Variants in ADAM2 observed in about 807,000 individuals in gnomAD.
The protein encoded by ADAM2 is ADAM metallopeptidase domain 2, also known as disintegrin and metalloproteinase domain-containing protein 2.
ADAM2 carries 101 observed loss-of-function variants against 99.3 expected under a neutral mutation model. The ratio of observed to expected loss-of-function variants is 1.02; its 90% confidence interval spans 0.87 to 1.20. The LOEUF is 1.20. Among genes scored for constraint, ADAM2 ranks in the 50% most tolerant of loss-of-function variants. ADAM2 has a pLI of 0.00. For missense variants in ADAM2, 948 were observed against 878.7 expected (o/e 1.08, Z -1.00); for synonymous variants, 323 against 287.6 (o/e 1.12, Z -1.25).
intron 3 of ADAM2, among the ~76,000 whole-genome samples, chr8:39,830,590 T>C (rs1025320845): frequency 6.6e-6 from 1 of 152,076 alleles, no homozygotes; most frequent in Non-Finnish European, 1.5e-5. Flanking sequence ...GGTGAAGCTG[T>C]GGAAAGTAAG....
chr8:39,822,929 C>T (rs947276618), intron 4 of ADAM2, among the ~76,000 whole-genome samples: 1 of 152,030 alleles, frequency 6.6e-6, no homozygotes, highest in African/African-American at 2.4e-5. Context: ...CTGCCATGCC[C>T]AGCTAATTTT....
intron 4 of ADAM2, among the ~76,000 whole-genome samples, chr8:39,821,911 G>A (rs1186158321): frequency 6.6e-6 from 1 of 152,102 alleles, no homozygotes; most frequent in Non-Finnish European, 1.5e-5. Flanking sequence ...CAGTTGTTAA[G>A]AATGAGGTAA....
chr8:39,744,439 C>A (rs428346), intron 20 of ADAM2, among the ~76,000 whole-genome samples: 1 of 151,582 alleles, frequency 6.6e-6, no homozygotes, highest in Admixed American at 6.6e-5. Flanking sequence ...CTCCCCCCAA[C>A]CCCCCCATCC....
intron 2 of ADAM2, among the ~76,000 whole-genome samples, chr8:39,834,732 C>CA (rs79431764): frequency 0.21 from 10,925 of 52,586 alleles, 1,332 homozygotes; most frequent in Non-Finnish European, 0.22. Flanking sequence ...AAGACTCCAT[C>CA]AAAAAAAAAA....
chr8:39,809,367 A>C (rs1804593973), intron 7 of ADAM2, 43 bp downstream of exon 7: 3 of 781,168 alleles, frequency 3.8e-6, no homozygotes, highest in African/African-American at 1.8e-5. Context: ...ACAATCCCTC[A>C]TTGCAAATAT....
At chr8:39,787,136 G>A (rs564250303) in intron 9 of ADAM2, 81 bp from the exon 10 acceptor site, 2 of 808,228 alleles carry the variant, frequency 2.5e-6, no homozygotes, top group South Asian at 2.1e-5. Context: ...TTACATTTAT[G>A]ATAATCATTA....
chr8:39,837,473 G>A (rs1682291113), intron 1 of ADAM2, among the ~76,000 whole-genome samples: 1 of 151,424 alleles, frequency 6.6e-6, no homozygotes, highest in South Asian at 2.1e-4. Context: ...TGCAACCTCC[G>A]CCTCCCGGTT....
chr8:39,770,596 T>A (rs2129584308), intron 11 of ADAM2, among the ~76,000 whole-genome samples: 1 of 152,338 alleles, frequency 6.6e-6, no homozygotes, highest in East Asian at 1.9e-4. Context: ...GATTTTAAAA[T>A]TATATGCAGT....
chr8:39,807,604 C>T (rs1199475202), intron 7 of ADAM2, among the ~76,000 whole-genome samples: 1 of 151,996 alleles, frequency 6.6e-6, no homozygotes, highest in Non-Finnish European at 1.5e-5. Context: ...AGATTAGTGC[C>T]CTTATGGGAA....
chr8:39,767,033 T>C lies in ADAM2; in HGVS notation c.1322A>G (p.Lys441Arg). The change falls in exon 14 of 21, where the codon AAA (lysine) becomes AGA (arginine). Residue 441 changes from lysine to arginine, a missense_variant. Lys to Arg is a conservative substitution (Grantham distance 26, BLOSUM62 2). Transcript: ENST00000265708. ...PCCENCLFMSKERMCRPSFEE... is the reference protein window; with the variant it reads ...PCCENCLFMSRERMCRPSFEE... ...AAAGGAAGGCCTACACATTCTTTCT[T>C]TTGACATAAACTGATGGGATGAGGT... 1 of 1,613,784 alleles carries C rather than the reference T, an allele frequency of 6.2e-7. No individual in the cohort carries two copies. Among genetic ancestry groups the C allele is most frequent in the Non-Finnish European group, 8.5e-7 (1 of 1,179,722 alleles).
Position 39,788,735 on chromosome 8 carries a change from AT to A in ADAM2, c.575del (p.Asn192IlefsTer17). ...MHVIVEKQLY[N>X]HMGSDTTVVA... ...CAACAGTTGTATCAGACCCCATATGATTATACTGTAAAATATTATTACATTT... is the reference window on the plus strand; with the variant it reads ...CAACAGTTGTATCAGACCCCATATGATATACTGTAAAATATTATTACATTT... On this transcript the variant is annotated frameshift_variant, in exon 8 of 21. Coordinates refer to ENST00000265708, the MANE Select transcript of ADAM2 (RefSeq NM_001464.5). LOFTEE classifies it high-confidence loss of function. The A allele has an allele frequency of 6.6e-7, 1 of 1,507,596 alleles. No individual in the cohort carries two copies. 93.4% of individuals were successfully genotyped at this position (1,507,596 alleles called of 1,614,324 possible).
chr8:39,749,576 TGTGTGTGTGC>T, intron 17 of ADAM2, 81 bp downstream of exon 17: 11 of 1,338,974 alleles, frequency 8.2e-6, no homozygotes, highest in Non-Finnish European at 1.1e-5. Context: ...TGTGTGTGTG[TGTGTGTGTGC>T]GTGTGTGTGT....
chr8:39,837,381 G>GT (rs112475501), intron 1 of ADAM2, among the ~76,000 whole-genome samples, 169 bp from the exon 2 acceptor site: 4,329 of 142,338 alleles, frequency 0.03, 101 homozygotes, highest in African/African-American at 0.071. Flanking sequence ...CTGTTTTTCT[G>GT]TTTTTTTTTT....
intron 3 of ADAM2, among the ~76,000 whole-genome samples, chr8:39,833,204 C>CT (rs1805686655): frequency 1.3e-5 from 2 of 151,896 alleles, no homozygotes; most frequent in Non-Finnish European, 2.9e-5. Flanking sequence ...AATTTTGAGT[C>CT]TTTTTTTAAT....
intron 4 of ADAM2, among the ~76,000 whole-genome samples, chr8:39,824,198 A>T (rs1196363203): frequency 2.0e-5 from 3 of 149,468 alleles, no homozygotes; most frequent in African/African-American, 7.5e-5. Context: ...CAGGAGAATC[A>T]CTTGAACCCA....
chr8:39,803,823 G>C (rs187342777), intron 7 of ADAM2, among the ~76,000 whole-genome samples: 6 of 152,336 alleles, frequency 3.9e-5, no homozygotes, highest in Non-Finnish European at 5.9e-5. Flanking sequence ...CGACATGTTA[G>C]CTGGAGAGAA....
At chr8:39,769,268 G>T in intron 12 of ADAM2, 124 bp downstream of exon 12, 1 of 665,302 alleles carries the variant, frequency 1.5e-6, no homozygotes, top group Middle Eastern at 2.5e-4. Context: ...ATACCTACAT[G>T]CCCTCCTGAA....
intron 14 of ADAM2, 146 bp downstream of exon 14, chr8:39,766,702 C>T: frequency 1.5e-6 from 1 of 678,904 alleles, no homozygotes; most frequent in Admixed American, 3.2e-5. Flanking sequence ...GCCACCGCGC[C>T]TGGCCGTATT....
intron 11 of ADAM2, among the ~76,000 whole-genome samples, chr8:39,776,674 G>A (rs1803002525): frequency 6.6e-6 from 1 of 152,058 alleles, no homozygotes; most frequent in South Asian, 2.1e-4. Context: ...CTGAACCAAG[G>A]CAAGTTGAAG....
Sources: allele counts gnomAD v4.1 joint callset (sites outside exome capture counted in the v4.1 genomes callset), GRCh38; gene constraint gnomAD v4.1.1; transcripts MANE v1.5; gene names NCBI Gene and HGNC (gene_info 2026-07-23, HGNC 2026-07-21).